CHLSN: variants seen among roughly 807,000 people sequenced by gnomAD.
CHLSN encodes protein cholesin.
chr7:1,081,345 G>A, the CHLSN span, among the ~76,000 whole-genome samples: 1 of 152,250 alleles, frequency 6.6e-6, no homozygotes, highest in African/African-American at 2.4e-5. Context: ...CCCAAGTCAG[G>A]GGGCCATGAA....
chr7:999,335 G>A, the CHLSN span, among the ~76,000 whole-genome samples: 10 of 152,244 alleles, frequency 6.6e-5, no homozygotes, highest in Non-Finnish European at 1.5e-4. Flanking sequence ...CCGGGCGTGA[G>A]GGTTTCCAGG....
At chr7:986,836 G>C in the CHLSN span, 3 of 1,475,760 alleles carry the variant, frequency 2.0e-6, no homozygotes, top group Non-Finnish European at 2.7e-6. Context: ...GGCCTGTAGG[G>C]GTCCTGAGGG....
At chr7:1,017,020 C>T in the CHLSN span, among the ~76,000 whole-genome samples, 1 of 152,184 alleles carries the variant, frequency 6.6e-6, no homozygotes, top group African/African-American at 2.4e-5. Flanking sequence ...CAGCACACAG[C>T]AGCGCCCACC....
the CHLSN span, among the ~76,000 whole-genome samples, chr7:981,637 C>T: frequency 6.6e-6 from 1 of 151,908 alleles, no homozygotes; most frequent in African/African-American, 2.4e-5. Context: ...TCGCTCCAAC[C>T]CGGGAGGCGG....
chr7:1,130,607 C>T, the CHLSN span, among the ~76,000 whole-genome samples: 4 of 152,156 alleles, frequency 2.6e-5, no homozygotes, highest in Admixed American at 2.0e-4. Flanking sequence ...CACTCCTCCC[C>T]ACCCTCCAGC....
At chr7:995,012 G>A in the CHLSN span, among the ~76,000 whole-genome samples, 3 of 152,208 alleles carry the variant, frequency 2.0e-5, no homozygotes, top group African/African-American at 7.2e-5. Flanking sequence ...CGTGAGGGAC[G>A]GACGTGAGGG....
the CHLSN span, chr7:1,028,153 C>T: frequency 3.8e-6 from 3 of 793,480 alleles, no homozygotes; most frequent in African/African-American, 3.8e-5. Context: ...GACGCCACGG[C>T]CTCCCACGGG....
At chr7:1,094,348 T>G in the CHLSN span, among the ~76,000 whole-genome samples, 4 of 152,350 alleles carry the variant, frequency 2.6e-5, no homozygotes, top group African/African-American at 9.6e-5. Flanking sequence ...GGCGTCGGGA[T>G]GTGTGGGTGA....
chr7:1,051,615 C>T, the CHLSN span, among the ~76,000 whole-genome samples: 245 of 152,320 alleles, frequency 1.6e-3, no homozygotes, highest in African/African-American at 5.3e-3. Context: ...GCATGTCAGC[C>T]GCCACTGGAT....
At chr7:1,136,716 A>ATATATAT in the CHLSN span, among the ~76,000 whole-genome samples, 1 of 150,802 alleles carries the variant, frequency 6.6e-6, no homozygotes, top group African/African-American at 2.4e-5. Context: ...TATCATCTAC[A>ATATATAT]CATATATCAT....
the CHLSN span, among the ~76,000 whole-genome samples, chr7:983,670 T>C: frequency 6.6e-6 from 1 of 152,086 alleles, no homozygotes. Flanking sequence ...TGGCGTCTGC[T>C]GAGAGCCCGC....
At chr7:1,127,296 G>A in the CHLSN span, 3 of 1,611,532 alleles carry the variant, frequency 1.9e-6, no homozygotes, top group Non-Finnish European at 2.5e-6. Flanking sequence ...CAGCCTCAGG[G>A]CCCAGCAGTG....
chr7:1,024,464 C>T, the CHLSN span: 6 of 152,348 alleles, frequency 3.9e-5, no homozygotes, highest in African/African-American at 7.2e-5. Context: ...ACAAGAGAGA[C>T]GCAGAAGCCC....
the CHLSN span, chr7:1,044,644 C>CTT: frequency 6.6e-6 from 1 of 151,986 alleles, no homozygotes; most frequent in Admixed American, 6.5e-5. Context: ...GCGCCGGCCG[C>CTT]CGCCCAGCAA....
At chr7:1,092,841 C>T in the CHLSN span, 1 of 1,612,540 alleles carries the variant, frequency 6.2e-7, no homozygotes. Flanking sequence ...ATGTGAGGTT[C>T]AGCAGTGCCG....
At chr7:1,004,824 G>T in the CHLSN span, among the ~76,000 whole-genome samples, 2 of 152,206 alleles carry the variant, frequency 1.3e-5, no homozygotes, top group Non-Finnish European at 2.9e-5. Flanking sequence ...TCTTGGAAAA[G>T]GAAAGAGAGC....
chr7:1,023,678 C>CACACACACACACACA, the CHLSN span, among the ~76,000 whole-genome samples: 13 of 144,422 alleles, frequency 9.0e-5, no homozygotes, highest in East Asian at 3.9e-4. The surrounding 1 kb of genome is among the most constrained non-coding windows in gnomAD (Gnocchi z 5.0). Flanking sequence ...CACACACACA[C>CACACACACACACACA]CAGCAACGCG....
At chr7:1,028,372 A>G in the CHLSN span, 1 of 988,580 alleles carries the variant, frequency 1.0e-6, no homozygotes, top group Admixed American at 6.2e-5. Context: ...CACACTGCGC[A>G]TGCCCGGCCG....
chr7:988,955 C>A, the CHLSN span: 2 of 621,912 alleles, frequency 3.2e-6, no homozygotes, highest in Non-Finnish European at 5.6e-6. Context: ...ACCCCCACCC[C>A]CACAGGGTCA....
Sources: gnomAD v4.1 joint callset for allele counts (sites outside exome capture counted in the v4.1 genomes callset) on GRCh38, gnomAD v4.1.1 for gene constraint, Gnocchi (gnomAD v3.1) non-coding constraint, MANE v1.5 for transcripts, NCBI Gene and HGNC (gene_info 2026-07-23, HGNC 2026-07-21) for gene names.